The following NLGN4X variants were observed in gnomAD, a reference collection of about 807,000 sequenced individuals.
NLGN4X encodes neuroligin 4 X-linked, also known as neuroligin-4, X-linked.
A neutral mutation model predicts 40.3 loss-of-function variants in NLGN4X; 3 were observed. The observed-to-expected ratio is 0.07, with a 90% CI of 0.03 to 0.19. The LOEUF (loss-of-function observed/expected upper bound fraction) is 0.19. Ranked by LOEUF, NLGN4X falls within the 10% of genes least tolerant of loss-of-function variation. The pLI is 1.00. For synonymous variants in NLGN4X, 270 were observed against 306.8 expected (o/e 0.88, Z 1.25); for missense variants, 382 against 708.3 (o/e 0.54, Z 5.23).
intron 2 of NLGN4X, among the ~76,000 whole-genome samples, chrX:6,071,079 T>C (rs2038052516): frequency 9.0e-6 from 1 of 111,457 alleles, no homozygotes; most frequent in African/African-American, 3.3e-5. Context: ...CAGTGAGCTA[T>C]GATGGTACCA....
chrX:6,059,254 C>CA (rs1244619355), intron 2 of NLGN4X, among the ~76,000 whole-genome samples: 1 of 111,653 alleles, frequency 9.0e-6, no homozygotes, highest in Non-Finnish European at 1.9e-5. Flanking sequence ...ATTTATAAGG[C>CA]AGAGCAATTC....
intron 3 of NLGN4X, among the ~76,000 whole-genome samples, chrX:5,910,141 A>C (rs1353243910): frequency 1.8e-5 from 2 of 111,102 alleles, no homozygotes; most frequent in Non-Finnish European, 3.8e-5. Context: ...GACCTGGAAA[A>C]ACTGCTTTCT....
chrX:6,054,691 T>C (rs770998787), intron 2 of NLGN4X, among the ~76,000 whole-genome samples: 36 of 111,088 alleles, frequency 3.2e-4, no homozygotes, highest in Non-Finnish European at 5.8e-4. Flanking sequence ...GTTTTTTGCT[T>C]GTTTTGCCCA....
At chrX:6,205,799 G>A (rs781675697) in intron 1 of NLGN4X, among the ~76,000 whole-genome samples, 88 of 112,069 alleles carry the variant, frequency 7.9e-4, no homozygotes, top group Non-Finnish European at 1.3e-3. Context: ...GACTTCTGAG[G>A]ATCTAGATGT....
chrX:6,158,840 C>G (rs746172882), intron 1 of NLGN4X, among the ~76,000 whole-genome samples: 7 of 112,034 alleles, frequency 6.2e-5, no homozygotes, highest in African/African-American at 2.3e-4. Flanking sequence ...TTCCCTCCCC[C>G]ATGTGTCCAT....
intron 3 of NLGN4X, among the ~76,000 whole-genome samples, chrX:5,914,198 A>G (rs780366055): frequency 1.8e-5 from 2 of 112,162 alleles, no homozygotes; most frequent in Non-Finnish European, 3.8e-5. Flanking sequence ...ACTGAAGTGA[A>G]TATCATATAA....
chrX:5,895,598 T>C (rs1000446023), intron 5 of NLGN4X, among the ~76,000 whole-genome samples: 24 of 111,235 alleles, frequency 2.2e-4, no homozygotes, highest in African/African-American at 7.8e-4. Context: ...ATGTATGTCA[T>C]GTGTATATAT....
At chrX:6,187,139 C>T (rs1452540762) in intron 1 of NLGN4X, 5 of 102,983 alleles carry the variant, frequency 4.9e-5, no homozygotes, top group African/African-American at 7.0e-5. Flanking sequence ...GGTTTCACCG[C>T]GTTAGCCAGG....
intron 2 of NLGN4X, among the ~76,000 whole-genome samples, chrX:6,137,446 T>C (rs138662985): frequency 1.5e-3 from 167 of 112,031 alleles, no homozygotes; most frequent in African/African-American, 5.0e-3. Flanking sequence ...AGAGACACAA[T>C]TCAACCATAA....
At chrX:6,094,035 T>C (rs1042007715) in intron 2 of NLGN4X, among the ~76,000 whole-genome samples, 1 of 111,674 alleles carries the variant, frequency 9.0e-6, no homozygotes, top group African/African-American at 3.2e-5. Flanking sequence ...TGATAGACAA[T>C]TACATAATTT....
chrX:6,021,895 A>T (rs1047185821), intron 3 of NLGN4X, among the ~76,000 whole-genome samples: 7 of 110,530 alleles, frequency 6.3e-5, no homozygotes, highest in Non-Finnish European at 1.3e-4. Flanking sequence ...CTTTACCGAT[A>T]ACATCTGCCA....
chrX:6,208,380 T>C (rs939455155), intron 1 of NLGN4X, among the ~76,000 whole-genome samples: 4 of 112,470 alleles, frequency 3.6e-5, no homozygotes, highest in African/African-American at 1.3e-4. Context: ...TATAAATCAA[T>C]GCCACCTCCT....
Position 5,988,087 on chromosome X carries a change from G to C in NLGN4X, c.625+41193C>G, listed in dbSNP as rs141712522. On this transcript the variant is annotated intron_variant, in intron 3 of 5. Transcript: ENST00000381095. ...TACACCCTGTCTGCTTTTTTAAAAA[G>C]GAGGGGTACTGCAAAAGCCTTATCC... Among the ~76,000 whole-genome samples the C allele has an allele frequency of 9.3e-3, 1,033 of 111,542 alleles. 12 individuals are homozygous for C. Among genetic ancestry groups the C allele is most frequent in the African/African-American group, 0.032 (989 of 30,630 alleles).
intron 3 of NLGN4X, among the ~76,000 whole-genome samples, chrX:5,998,820 C>T (rs898226747): frequency 4.4e-5 from 5 of 112,606 alleles, no homozygotes; most frequent in African/African-American, 1.3e-4. Flanking sequence ...GAAATTGATA[C>T]GGGGTGCATG....
At chrX:5,996,840 G>A (rs779732074) in intron 3 of NLGN4X, among the ~76,000 whole-genome samples, 8 of 110,602 alleles carry the variant, frequency 7.2e-5, no homozygotes, top group South Asian at 3.8e-4. Flanking sequence ...CAAGTGATCC[G>A]CCGGCCTCGG....
At chrX:5,996,355 T>C (rs1352535816) in intron 3 of NLGN4X, among the ~76,000 whole-genome samples, 3 of 112,109 alleles carry the variant, frequency 2.7e-5, no homozygotes, top group Non-Finnish European at 5.6e-5. Context: ...TGGGGCGTTT[T>C]TCTGTGCTAC....
In NLGN4X at chrX:6,078,464, TCTC is replaced by T. The variant is rs748248204; in HGVS notation, c.473-49035_473-49033del. Among the ~76,000 whole-genome samples the T allele has an allele frequency of 9.0e-5, 10 of 111,126 alleles. No homozygotes were observed. In the South Asian group the frequency reaches 1.6e-3, roughly 17 times the overall value. ...GGCCTTCTTCCACTTACTTCTGACTTCTCCTGATGTCTAGCAACTCGCTACCGA... is the reference window on the plus strand; with the variant it reads ...GGCCTTCTTCCACTTACTTCTGACTTCTGATGTCTAGCAACTCGCTACCGA... On this transcript the variant is annotated intron_variant, in intron 2 of 5. Coordinates refer to ENST00000381095, the MANE Select transcript of NLGN4X (RefSeq NM_181332.3).
chrX:5,977,532 A>AATT (rs751655944), intron 3 of NLGN4X, among the ~76,000 whole-genome samples: 14 of 110,600 alleles, frequency 1.3e-4, no homozygotes, highest in East Asian at 5.7e-4. Context: ...ACTTATTATT[A>AATT]ATTATTATTA....
intron 2 of NLGN4X, among the ~76,000 whole-genome samples, chrX:6,112,562 CT>C (rs1480305487): frequency 2.0e-5 from 2 of 100,202 alleles, no homozygotes; most frequent in East Asian, 6.0e-4. Flanking sequence ...ATAGTCCCCG[CT>C]TTCTTTTTTT....
Sources: gnomAD v4.1 joint callset for allele counts (sites outside exome capture counted in the v4.1 genomes callset) on GRCh38, gnomAD v4.1.1 for gene constraint, MANE v1.5 for transcripts, NCBI Gene and HGNC (gene_info 2026-07-23, HGNC 2026-07-21) for gene names.